ABLIM3: variants seen among roughly 807,000 people sequenced by gnomAD.
ABLIM3 encodes actin-binding LIM protein 3.
A neutral mutation model predicts 109.5 loss-of-function variants in ABLIM3; 61 were observed. The ratio of observed to expected loss-of-function variants is 0.56; its 90% CI spans 0.45 to 0.69. ABLIM3 has a LOEUF of 0.69. Ranked by LOEUF, ABLIM3 falls within the 30% of genes least tolerant of loss-of-function variation. ABLIM3 has a pLI of 0.00. For synonymous variants in ABLIM3, 300 were observed against 324.8 expected (o/e 0.92, Z 0.82); for missense variants, 796 against 889.5 (o/e 0.89, Z 1.34).
intron 8 of ABLIM3, among the ~76,000 whole-genome samples, chr5:149,225,974 GTGTGTGTGTATATATA>G (rs1283150563): frequency 4.4e-4 from 41 of 92,206 alleles, no homozygotes; most frequent in Non-Finnish European, 6.3e-4. Context: ...GTGTGTGTGT[GTGTGTGTGTATATATA>G]TATATATATA....
intron 5 of ABLIM3, among the ~76,000 whole-genome samples, chr5:149,205,870 C>T (rs544564402): frequency 8.5e-5 from 13 of 152,310 alleles, no homozygotes; most frequent in East Asian, 7.7e-4. Flanking sequence ...TCCCCACAGC[C>T]GGCTGGACCC....
At chr5:149,157,581 G>A (rs532373893) in intron 2 of ABLIM3, among the ~76,000 whole-genome samples, 1 of 135,894 alleles carries the variant, frequency 7.4e-6, no homozygotes, top group South Asian at 2.3e-4. Flanking sequence ...ATCCACCTTG[G>A]CCACAAGGAT....
At chr5:149,249,967 C>T in intron 19 of ABLIM3, 123 bp downstream of exon 19, 1 of 1,199,848 alleles carries the variant, frequency 8.3e-7, no homozygotes, top group Non-Finnish European at 1.2e-6. Flanking sequence ...CTCCTGATCT[C>T]AAATAGTCTA....
chr5:149,191,236 T>G (rs1004033954), intron 3 of ABLIM3, among the ~76,000 whole-genome samples: 1 of 152,098 alleles, frequency 6.6e-6, no homozygotes, highest in Non-Finnish European at 1.5e-5. Context: ...TATTAAGAAT[T>G]AAAATAGGGA....
chr5:149,170,272 C>T (rs62380146), intron 2 of ABLIM3, among the ~76,000 whole-genome samples: 2 of 139,012 alleles, frequency 1.4e-5, no homozygotes, highest in African/African-American at 2.8e-5. Context: ...CTCCTTCTCC[C>T]TCTCTCTCTC....
intron 7 of ABLIM3, among the ~76,000 whole-genome samples, chr5:149,215,712 G>A (rs997186422): frequency 1.6e-4 from 25 of 152,242 alleles, no homozygotes; most frequent in African/African-American, 5.3e-4. Context: ...CTGCCCTGAC[G>A]TTGCAAAATA....
intron 9 of ABLIM3, among the ~76,000 whole-genome samples, chr5:149,232,015 G>A (rs539071334): frequency 2.6e-5 from 4 of 152,164 alleles, no homozygotes; most frequent in Admixed American, 2.6e-4. Flanking sequence ...TGTTTAAAAA[G>A]GGAAATTGGG....
intron 2 of ABLIM3, among the ~76,000 whole-genome samples, chr5:149,159,291 A>G (rs574869226): frequency 1.3e-5 from 2 of 152,354 alleles, no homozygotes; most frequent in South Asian, 4.1e-4. Flanking sequence ...GGCATACTGT[A>G]TGATTCCATT....
At chr5:149,224,135 T>A (rs1238094317) in intron 8 of ABLIM3, among the ~76,000 whole-genome samples, 1 of 152,198 alleles carries the variant, frequency 6.6e-6, no homozygotes, top group Non-Finnish European at 1.5e-5. Flanking sequence ...TGTTATAAAG[T>A]GTGTGACACA....
intron 3 of ABLIM3, among the ~76,000 whole-genome samples, chr5:149,185,517 G>A (rs1756874370): frequency 6.6e-6 from 1 of 152,164 alleles, no homozygotes. Flanking sequence ...GAGATCTGCA[G>A]CATCAGATTT....
intron 5 of ABLIM3, among the ~76,000 whole-genome samples, chr5:149,206,356 G>A (rs1029688815): frequency 2.0e-5 from 3 of 152,168 alleles, no homozygotes; most frequent in African/African-American, 7.2e-5. Context: ...ATGGGGAAGG[G>A]GTGGGTGTGG....
chr5:149,197,716 A>G (rs891561930), intron 3 of ABLIM3, among the ~76,000 whole-genome samples: 4 of 152,178 alleles, frequency 2.6e-5, no homozygotes, highest in African/African-American at 9.7e-5. Flanking sequence ...TACCCAGGAA[A>G]TGTTTAACTG....
rs114507245 is a variant in ABLIM3, at chr5:149,190,655, G to A, written c.151+7066G>A. Among the ~76,000 whole-genome samples the A allele has an allele frequency of 5.1e-3, 774 of 152,274 alleles. 14 individuals carry two copies. Among genetic ancestry groups the A allele is most frequent in the African/African-American group, 0.018 (740 of 41,546 alleles). ...TTATCACGCCACTGCACTCCAGGCT[G>A]GTGGACAGAGTGAGTCCCTGTCTCA... On this transcript the variant is annotated intron_variant, in intron 3 of 23. Transcript: ENST00000309868.
At chr5:149,251,455 T>C (rs1450033481) in intron 21 of ABLIM3, 36 bp downstream of exon 21, 2 of 1,606,664 alleles carry the variant, frequency 1.2e-6, no homozygotes, top group South Asian at 2.2e-5. Flanking sequence ...GCAGGGAGAG[T>C]GCCTCCAGAT....
At chr5:149,150,233 C>CT (rs150692713) in intron 2 of ABLIM3, among the ~76,000 whole-genome samples, 1 of 152,260 alleles carries the variant, frequency 6.6e-6, no homozygotes, top group African/African-American at 2.4e-5. Flanking sequence ...GCATGATGAC[C>CT]TTCCTCTGCT....
At position 149,223,122 on chromosome 5, in the gene ABLIM3, A is replaced by AT. The variant is rs5872116; in HGVS notation, c.757+6087dup. Among the ~76,000 whole-genome samples, 291 of 148,014 alleles carry AT rather than the reference A, an allele frequency of 2.0e-3. 1 individual carries two copies. Among genetic ancestry groups the AT allele is most frequent in the African/African-American group, 6.2e-3 (253 of 40,704 alleles). On this transcript the variant is annotated intron_variant, in intron 8 of 23. Coordinates refer to ENST00000309868, the MANE Select transcript of ABLIM3 (RefSeq NM_014945.5). ...ATATTTTAATTTTTGGCGAGCTGCCATTTTTTTTTTTATTTAGATTTTAAG... is the reference window on the plus strand; with the variant it reads ...ATATTTTAATTTTTGGCGAGCTGCCATTTTTTTTTTTTATTTAGATTTTAAG...
intron 8 of ABLIM3, chr5:149,218,674 G>C (rs1007905408): frequency 2.6e-5 from 4 of 152,262 alleles, no homozygotes; most frequent in Admixed American, 2.6e-4. Flanking sequence ...CCTTTCCCTT[G>C]TCTTCCTGTG....
intron 7 of ABLIM3, among the ~76,000 whole-genome samples, chr5:149,215,083 G>A (rs1317846322): frequency 2.0e-5 from 3 of 152,190 alleles, no homozygotes; most frequent in Admixed American, 6.5e-5. Flanking sequence ...TGCTGAGATG[G>A]GCACAAAGCC....
intron 2 of ABLIM3, among the ~76,000 whole-genome samples, chr5:149,175,297 G>T (rs1177072666): frequency 1.3e-5 from 2 of 152,164 alleles, no homozygotes; most frequent in African/African-American, 4.8e-5. Context: ...AGTGAGCAAG[G>T]CCTCAGACTG....
Sources: gnomAD v4.1 joint callset for allele counts (sites outside exome capture counted in the v4.1 genomes callset) on GRCh38, gnomAD v4.1.1 for gene constraint, MANE v1.5 for transcripts, NCBI Gene and HGNC (gene_info 2026-07-23, HGNC 2026-07-21) for gene names.